SPAG16: variants seen among roughly 807,000 people sequenced by gnomAD.
SPAG16 encodes the protein sperm associated antigen 16, also known as sperm-associated antigen 16 protein.
SPAG16 carries 86 observed loss-of-function variants against 80.4 expected under a neutral mutation model. The ratio of observed to expected loss-of-function variants is 1.07; its 90% CI spans 0.90 to 1.28. The LOEUF (loss-of-function observed/expected upper bound fraction) is 1.28, where lower values mean the gene tolerates loss of function less well. Among genes scored for constraint, SPAG16 ranks in the 50% most tolerant of loss-of-function variants. SPAG16 has a pLI of 0.00. For missense variants in SPAG16, 870 were observed against 765.3 expected, an observed-to-expected ratio of 1.14 and a Z score of -1.61; for synonymous variants, 294 against 265.9, an observed-to-expected ratio of 1.11 and a Z score of -1.03.
intron 10 of SPAG16, among the ~76,000 whole-genome samples, chr2:213,860,482 T>TCTATATATAGATATATAG (rs2075404554): frequency 7.5e-6 from 1 of 132,866 alleles, no homozygotes; most frequent in South Asian, 2.3e-4. Context: ...TCTATATATA[T>TCTATATATAGATATATAG]ATATACACAC....
At chr2:213,403,854 CAA>C (rs2068463898) in intron 9 of SPAG16, among the ~76,000 whole-genome samples, 1 of 152,182 alleles carries the variant, frequency 6.6e-6, no homozygotes, top group South Asian at 2.1e-4. Context: ...GCAACTTCAG[CAA>C]AGTCTCAGGA....
chr2:214,085,337 C>T (rs1266139457), intron 13 of SPAG16, among the ~76,000 whole-genome samples: 3 of 148,628 alleles, frequency 2.0e-5, no homozygotes, highest in African/African-American at 5.0e-5. Context: ...TGACATCAAG[C>T]CAATGCACTC....
intron 10 of SPAG16, among the ~76,000 whole-genome samples, chr2:213,770,238 T>C (rs1043810661): frequency 1.7e-4 from 26 of 152,142 alleles, no homozygotes; most frequent in Non-Finnish European, 5.9e-5. Context: ...TGTGATGATT[T>C]ATTTTTTTCT....
chr2:214,041,978 G>GTGTATATATATATATATATA (rs1410396491), intron 13 of SPAG16, among the ~76,000 whole-genome samples: 5 of 116,362 alleles, frequency 4.3e-5, no homozygotes, highest in African/African-American at 1.6e-4. Flanking sequence ...GTCTGTGTGT[G>GTGTATATATATATATATATA]TATATATATA....
intron 7 of SPAG16, among the ~76,000 whole-genome samples, chr2:213,359,029 T>C (rs917227388): frequency 2.6e-5 from 4 of 152,226 alleles, no homozygotes; most frequent in Admixed American, 1.3e-4. Flanking sequence ...TGCAGGTCTG[T>C]TGGGGTTTGC....
chr2:213,344,236 T>C (rs1216093314), intron 6 of SPAG16, among the ~76,000 whole-genome samples: 1 of 152,082 alleles, frequency 6.6e-6, no homozygotes, highest in Non-Finnish European at 1.5e-5. Context: ...TTTATAACAG[T>C]ATATAATTGC....
At chr2:213,572,683 G>A (rs1349285935) in intron 10 of SPAG16, among the ~76,000 whole-genome samples, 1 of 152,036 alleles carries the variant, frequency 6.6e-6, no homozygotes, top group African/African-American at 2.4e-5. Context: ...GGTTACTGCT[G>A]TCTTTTTGTT....
At chr2:214,330,727 C>G (rs559657042) in intron 15 of SPAG16, among the ~76,000 whole-genome samples, 1 of 152,302 alleles carries the variant, frequency 6.6e-6, no homozygotes, top group South Asian at 2.1e-4. Flanking sequence ...TAACTTCTTT[C>G]AGCTGAGGGC....
intron 13 of SPAG16, among the ~76,000 whole-genome samples, chr2:214,046,707 C>A (rs545577420): frequency 6.6e-6 from 1 of 151,576 alleles, no homozygotes; most frequent in African/African-American, 2.4e-5. Context: ...GACAAGAGAA[C>A]GAAATAAAAA....
rs1029173906 is a variant in SPAG16, at chr2:214,051,832, T to C, written c.1527+37755T>C. 3.9e-5 allele frequency among the ~76,000 whole-genome samples: 6 copies of C among 152,332 alleles called. No individual in the cohort carries two copies. The East Asian group carries it at 9.6e-4, about 24-fold the overall frequency. ...TGCATTACTAACATTTCCTTGGTAATCTGATGTCACATTGCAAGCAGCTCA... is the reference window on the plus strand; with the variant it reads ...TGCATTACTAACATTTCCTTGGTAACCTGATGTCACATTGCAAGCAGCTCA... On this transcript the variant is annotated intron_variant, in intron 13 of 15. Coordinates refer to ENST00000331683, the MANE Select transcript of SPAG16 (RefSeq NM_024532.5).
intron 10 of SPAG16, among the ~76,000 whole-genome samples, chr2:213,541,156 A>G (rs1033108432): frequency 6.6e-6 from 1 of 152,194 alleles, no homozygotes; most frequent in Non-Finnish European, 1.5e-5. Flanking sequence ...AAGGCTGAGA[A>G]TGGGGGCCAT....
At chr2:213,286,422 A>G (rs564141311) in intron 1 of SPAG16, among the ~76,000 whole-genome samples, 9 of 152,316 alleles carry the variant, frequency 5.9e-5, no homozygotes, top group South Asian at 4.1e-4. Context: ...TTTGAGGATT[A>G]CTTGTGAATA....
At chr2:214,274,001 A>G (rs1692247044) in intron 15 of SPAG16, among the ~76,000 whole-genome samples, 1 of 152,134 alleles carries the variant, frequency 6.6e-6, no homozygotes, top group Admixed American at 6.5e-5. Flanking sequence ...CTCCTTGAAG[A>G]GGCCCTTCAC....
At chr2:214,064,496 A>G (rs953385943) in intron 13 of SPAG16, among the ~76,000 whole-genome samples, 12 of 152,102 alleles carry the variant, frequency 7.9e-5, no homozygotes, top group African/African-American at 2.9e-4. Flanking sequence ...GGAGACCTCT[A>G]CATTGTATGT....
At chr2:213,363,970 T>G in intron 7 of SPAG16, 106 bp from the exon 8 acceptor site, 2 of 395,430 alleles carry the variant, frequency 5.1e-6, no homozygotes, top group Non-Finnish European at 8.9e-6. Flanking sequence ...TAAAAGAGAT[T>G]AATATTTTTT....
intron 10 of SPAG16, among the ~76,000 whole-genome samples, chr2:213,531,502 G>A (rs2076067026): frequency 6.6e-6 from 1 of 151,900 alleles, no homozygotes; most frequent in Non-Finnish European, 1.5e-5. Flanking sequence ...GTAGCTGCAA[G>A]ATGCAGTTGT....
At chr2:213,336,079 A>G (rs1028783366) in intron 5 of SPAG16, among the ~76,000 whole-genome samples, 1 of 152,130 alleles carries the variant, frequency 6.6e-6, no homozygotes, top group African/African-American at 2.4e-5. Context: ...CCCACCCAAG[A>G]GCTGTGTGGG....
chr2:213,806,936 T>C (rs1374942594), intron 10 of SPAG16, among the ~76,000 whole-genome samples: 2 of 152,194 alleles, frequency 1.3e-5, no homozygotes, highest in African/African-American at 2.4e-5. Context: ...AATTAATGCG[T>C]GTTTTCAAAG....
chr2:214,373,730 G>A (rs1231686911), intron 15 of SPAG16, among the ~76,000 whole-genome samples: 1 of 152,164 alleles, frequency 6.6e-6, no homozygotes, highest in Non-Finnish European at 1.5e-5. Flanking sequence ...GGTGGAGAAG[G>A]TGAGCAATTT....
Sources: gnomAD v4.1 joint callset for allele counts (sites outside exome capture counted in the v4.1 genomes callset) on GRCh38, gnomAD v4.1.1 for gene constraint, MANE v1.5 for transcripts, NCBI Gene and HGNC (gene_info 2026-07-23, HGNC 2026-07-21) for gene names.